VWF: variants seen among roughly 807,000 people sequenced by gnomAD.
VWF encodes von Willebrand factor.
A neutral mutation model predicts 308.6 loss-of-function variants in VWF; 176 were observed. The ratio of observed to expected loss-of-function variants is 0.57; its 90% CI spans 0.50 to 0.65. The LOEUF is 0.65. Among genes scored for constraint, VWF ranks in the 30% least tolerant of loss-of-function variants. The pLI, the probability that VWF is intolerant of heterozygous loss-of-function variation, is 0.00. For missense variants in VWF, 3,146 were observed against 3,648.2 expected (o/e 0.86, Z 3.55); for synonymous variants, 1,385 against 1,443.4 (o/e 0.96, Z 0.92).
rs569177726 is a variant in VWF, at chr12:6,019,161, A to C, written c.4257T>G (p.His1419Gln). 2.1e-4 allele frequency: 346 copies of C among 1,613,822 alleles called. 1 individual carries two copies. The highest frequency in any genetic ancestry group is 3.2e-4 in the Admixed American group (19 of 60,010). The change falls in exon 28 of 52, where the codon CAT becomes CAG. Residue 1419 changes from histidine to glutamine, a missense_variant. Physicochemically the swap from His to Gln is conservative, Grantham distance 24. Around this residue, in one of 3 missense-constraint regions of VWF, gnomAD observed 853 missense variants for 1,177.8 expected, o/e 0.72. Transcript: ENST00000261405. The surrounding 1 kb of genome is among the most constrained non-coding windows in gnomAD (Gnocchi z 5.8). ...TGAGGCGGATCTGCTTGAGGTTGGC[A>C]TGGGGCCCAATGCCCACCGGGATCA... ...VIVIPVGIGPHANLKQIRLIE... is the reference protein window; with the variant it reads ...VIVIPVGIGPQANLKQIRLIE...
intron 3 of VWF, among the ~76,000 whole-genome samples, chr12:6,114,067 C>T (rs750423566): frequency 2.0e-5 from 3 of 152,194 alleles, no homozygotes; most frequent in East Asian, 1.9e-4. Context: ...AGTTCTGCCT[C>T]GGCTTCACTG....
chr12:6,016,835 C>T lies in VWF; in HGVS notation c.5089G>A (p.Asp1697Asn). The change falls in exon 29 of 52, where the codon GAT becomes AAT. Residue 1697 changes from aspartate to asparagine, a missense_variant. Transcript: ENST00000261405. Reference sequence around the variant, plus strand: ...GAAGCTGGGAAACTGGAGGAGCCATCCAGGAGAAGGATCACGTCCAGGGGC... The same window carrying T: ...GAAGCTGGGAAACTGGAGGAGCCATTCAGGAGAAGGATCACGTCCAGGGGC... The part of the protein sequence containing the change: ...SQPLDVILLL[D>N]GSSSFPASYF... The T allele has an allele frequency of 1.9e-6, 3 of 1,614,096 alleles. No individual in the cohort carries two copies. The highest frequency in any genetic ancestry group is 8.5e-7 in the Non-Finnish European group (1 of 1,180,040).
At chr12:6,062,906 T>G (rs1341108752) in intron 13 of VWF, 48 bp downstream of exon 13, 2 of 1,505,752 alleles carry the variant, frequency 1.3e-6, no homozygotes, top group Non-Finnish European at 1.8e-6. Flanking sequence ...AAGGGGTACT[T>G]TGTAAGGGTC....
At chr12:6,073,409 C>T (rs879716681) in intron 8 of VWF, among the ~76,000 whole-genome samples, 2 of 152,164 alleles carry the variant, frequency 1.3e-5, no homozygotes, top group Admixed American at 6.5e-5. Flanking sequence ...AACACAAGTG[C>T]GTTCATGGAT....
chr12:5,983,206 C>T lies in VWF; in HGVS notation c.7025G>A (p.Arg2342His), dbSNP rs34120165. The T allele has an allele frequency of 2.1e-4, 339 of 1,613,928 alleles. 1 individual carries two copies. The highest frequency in any genetic ancestry group is 5.5e-4 in the Admixed American group (33 of 59,992). The change falls in exon 41 of 52, where the codon CGT (arginine) becomes CAT (histidine). Residue 2342 changes from arginine (R) to histidine (H), a missense_variant. By Grantham distance (29) the Arg-to-His change is conservative. Coordinates refer to ENST00000261405, the MANE Select transcript of VWF (RefSeq NM_000552.5). ...CDLPPVPHCE[R>H]GLQPTLTNPG... ...GTTGGTCAGTGTGGGCTGGAGGCCA[C>T]GTTCACAGTGAGGCACTGGGGGCAG...
intron 38 of VWF, among the ~76,000 whole-genome samples, chr12:5,989,316 T>C (rs1053666751): frequency 6.6e-6 from 1 of 152,258 alleles, no homozygotes; most frequent in Non-Finnish European, 1.5e-5. Flanking sequence ...TATACCCTAG[T>C]TTATTTCCCT....
At chr12:5,971,472 C>A (rs1485333961) in intron 44 of VWF, 127 bp downstream of exon 44, 15 of 783,558 alleles carry the variant, frequency 1.9e-5, no homozygotes, top group Non-Finnish European at 2.6e-5. Context: ...CTGGATAACA[C>A]CAACAGCTGG....
rs372561152 is a variant in VWF at position 5,983,253 on chromosome 12, C to T, written c.6978G>A (p.Val2326=). The change falls in exon 41 of 52, where the codon GTG becomes GTA. Residue 2326 remains valine, a splice_region_variant and synonymous_variant. Coordinates refer to ENST00000261405, the MANE Select transcript of VWF (RefSeq NM_000552.5). The stretch of plus-strand genomic sequence containing the variant: ...GCAGGTCACAGCTCACTGGGTCACA[C>T]ACTGAGGGCCAGAAAGAGAGACGTC... ...ADQCCPEYEC[V]CDPVSCDLPP... is the part of the protein sequence containing the mutation. 3.1e-6 allele frequency: 5 copies of T among 1,613,690 alleles called. No individual in the cohort carries two copies. The highest frequency in any genetic ancestry group is 4.2e-6 in the Non-Finnish European group (5 of 1,179,914).
At chr12:6,004,106 TTA>T (rs1287857867) in intron 34 of VWF, among the ~76,000 whole-genome samples, 1 of 152,160 alleles carries the variant, frequency 6.6e-6, no homozygotes, top group Admixed American at 6.5e-5. Context: ...AGGATAAATT[TTA>T]TGTTATATGT....
At chr12:6,066,553 C>T (rs1342433280) in intron 10 of VWF, among the ~76,000 whole-genome samples, 1 of 152,268 alleles carries the variant, frequency 6.6e-6, no homozygotes, top group Admixed American at 6.5e-5. Flanking sequence ...TCCCCTGAGA[C>T]CCTCCAAACA....
At chr12:6,067,097 G>C (rs970949395) in intron 10 of VWF, among the ~76,000 whole-genome samples, 1 of 152,208 alleles carries the variant, frequency 6.6e-6, no homozygotes, top group African/African-American at 2.4e-5. Flanking sequence ...AAGAGCGGGA[G>C]TGAGGAGTGA....
rs1050227776 is a variant in VWF, at chr12:6,063,437, C to G, written c.1433-383G>C. On this transcript the variant is annotated intron_variant, in intron 12 of 51. Coordinates refer to ENST00000261405, the MANE Select transcript of VWF (RefSeq NM_000552.5). The surrounding 1 kb of genome is among the most constrained non-coding windows in gnomAD (Gnocchi z 4.9). Reference sequence around the variant, plus strand: ...CCTGGGACACTCTGCCACTGCACACCACCTCATGTCTGAGCGATGCTGTGT... The same window carrying G: ...CCTGGGACACTCTGCCACTGCACACGACCTCATGTCTGAGCGATGCTGTGT... Among the ~76,000 whole-genome samples, 2 of 152,308 alleles carry G rather than the reference C, an allele frequency of 1.3e-5. No homozygotes were observed. Among genetic ancestry groups the G allele is most frequent in the East Asian group, 1.9e-4 (1 of 5,186 alleles).
In VWF at chr12:6,064,362, A is replaced by G; in HGVS notation, c.1316T>C (p.Val439Ala). Residue 439 changes from valine to alanine, a missense_variant, in exon 12 of 52, where the codon GTG becomes GCG. Val to Ala is a moderately conservative substitution (Grantham distance 64). This residue lies in a region of VWF where 1,304 missense variants were observed against 1,353.0 expected (regional missense o/e 0.96). Transcript: ENST00000261405. ...CCGGACGGTGACGGAGCGGGTGCACACAGCGTCGCGGTCATCAGCACACTG... is the reference window on the plus strand; with the variant it reads ...CCGGACGGTGACGGAGCGGGTGCACGCAGCGTCGCGGTCATCAGCACACTG... ...TVQCADDRDA[V>A]CTRSVTVRLP... 6.2e-7 allele frequency: 1 copy of G among 1,614,152 alleles called. No homozygotes were observed. The highest frequency in any genetic ancestry group is 8.5e-7 in the Non-Finnish European group (1 of 1,180,038).
At chr12:5,997,830 G>C (rs929860958) in intron 34 of VWF, among the ~76,000 whole-genome samples, 2 of 152,102 alleles carry the variant, frequency 1.3e-5, no homozygotes, top group Non-Finnish European at 2.9e-5. Context: ...GTTTTAATGA[G>C]CCATATATAT....
Position 6,075,649 on chromosome 12 carries a change from C to A in VWF, c.658-98G>T. The A allele has an allele frequency of 7.4e-7, 1 of 1,344,346 alleles. No homozygotes were observed. Among genetic ancestry groups the A allele is most frequent in the South Asian group, 1.3e-5 (1 of 79,584 alleles). 83.3% of individuals were successfully genotyped at this position (1,344,346 alleles called of 1,614,324 possible). A position where few individuals can be genotyped will look rare whatever the true frequency, so the allele number is the denominator to read the frequency against. On this transcript the variant is annotated intron_variant, in intron 6 of 51. Transcript: ENST00000261405. This position sits in a 1 kb window ranked among gnomAD's most constrained non-coding sequence, Gnocchi z 4.7. ...CTGCTAGGGAAACCAAGGCAGCTCC[C>A]TCAGCACCTGGGACAGGCTGGCACC...
In VWF at chr12:5,981,861, G is replaced by C. The variant is rs759137155; in HGVS notation, c.7212C>G (p.Ser2404Arg). 7 of 1,614,022 alleles carry C rather than the reference G, an allele frequency of 4.3e-6. No individual in the cohort carries two copies. The highest frequency in any genetic ancestry group is 1.7e-5 in the Admixed American group (1 of 60,010). Residue 2404 changes from serine to arginine, a missense_variant, in exon 42 of 52, where the codon AGC (serine) becomes AGG (arginine). By Grantham distance (110) the Ser-to-Arg change is moderately radical (BLOSUM62 -1). Coordinates refer to ENST00000261405, the MANE Select transcript of VWF (RefSeq NM_000552.5). ...CACNCVNSTV[S>R]CPLGYLASTA... The stretch of plus-strand genomic sequence containing the variant: ...TTGAGGCCAAGTACCCAAGGGGACA[G>C]CTCACTGTGGAGTTGACACAGTTGC...
rs1288690975 is a variant in VWF, at chr12:6,026,167, G to A, written c.2968-121C>T. 7 of 1,425,636 alleles carry A rather than the reference G, an allele frequency of 4.9e-6. No homozygotes were observed. The African/African-American group carries it at 5.6e-5, about 11-fold the overall frequency. The allele number at this position is 1,425,636 out of a possible 1,614,324, so 88.3% of individuals were successfully genotyped here. A position where few individuals can be genotyped will look rare whatever the true frequency, so the allele number is the denominator to read the frequency against. On this transcript the variant is annotated intron_variant, in intron 22 of 51. Transcript: ENST00000261405. ...GAGGGCATTCGAGGAAGAGGAGGAGGAGCGGGACAGAGACTCAGAGGAGGC... is the reference window on the plus strand; with the variant it reads ...GAGGGCATTCGAGGAAGAGGAGGAGAAGCGGGACAGAGACTCAGAGGAGGC...
At chr12:6,092,109 G>A (rs569398652) in intron 6 of VWF, among the ~76,000 whole-genome samples, 1 of 152,190 alleles carries the variant, frequency 6.6e-6, no homozygotes, top group East Asian at 1.9e-4. Context: ...CCCTCTTTGT[G>A]CATGTTTGTA....
At chr12:5,972,950 C>T (rs1372429467) in intron 43 of VWF, among the ~76,000 whole-genome samples, 1 of 152,178 alleles carries the variant, frequency 6.6e-6, no homozygotes, top group East Asian at 1.9e-4. Flanking sequence ...TTCTCGTACG[C>T]CTCTCTAGAA....
Sources: gnomAD v4.1 joint callset for allele counts (sites outside exome capture counted in the v4.1 genomes callset) on GRCh38, gnomAD v4.1.1 for gene constraint, gnomAD v4.1.1 regional missense constraint, Gnocchi (gnomAD v3.1) non-coding constraint, MANE v1.5 for transcripts, NCBI Gene and HGNC (gene_info 2026-07-23, HGNC 2026-07-21) for gene names.